Variants in RASA3 observed in about 807,000 individuals in gnomAD.
RASA3 encodes ras GTPase-activating protein 3.
In RASA3, 73 loss-of-function variants were observed where a neutral mutation model predicts 110.0. That is an observed-to-expected ratio of 0.66 (90% CI 0.55 to 0.81). The LOEUF (loss-of-function observed/expected upper bound fraction) is 0.81, where lower values mean the gene tolerates loss of function less well. Among genes scored for constraint, RASA3 ranks in the 30% least tolerant of loss-of-function variants. RASA3 has a pLI of 0.00. For missense variants in RASA3, 976 were observed against 1,113.2 expected (o/e 0.88, Z 1.75); for synonymous variants, 500 against 451.4 (o/e 1.11, Z -1.37).
chr13:114,041,342 G>A (rs1019621190), intron 3 of RASA3, among the ~76,000 whole-genome samples: 5 of 152,248 alleles, frequency 3.3e-5, no homozygotes, highest in South Asian at 2.1e-4. Context: ...GGAATGAGCC[G>A]GGCATGGTGG....
chr13:114,049,771 G>C (rs2079112411), intron 3 of RASA3, among the ~76,000 whole-genome samples: 1 of 152,254 alleles, frequency 6.6e-6, no homozygotes, highest in South Asian at 2.1e-4. Flanking sequence ...GAGGCCCCTG[G>C]CAGGGGCTGA....
chr13:114,124,437 C>T (rs968472078), intron 1 of RASA3, among the ~76,000 whole-genome samples: 1 of 152,250 alleles, frequency 6.6e-6, no homozygotes, highest in Non-Finnish European at 1.5e-5. Flanking sequence ...AACTCACTTC[C>T]GGGGATCCAG....
chr13:113,993,724 C>T (rs2053169961), intron 21 of RASA3, among the ~76,000 whole-genome samples: 1 of 144,228 alleles, frequency 6.9e-6, no homozygotes, highest in Non-Finnish European at 1.5e-5. Flanking sequence ...AGGAGAATCG[C>T]TTGAACCTGG....
chr13:114,017,309 C>T lies in RASA3; in HGVS notation c.1134G>A (p.Lys378=). ...CCAGCTTCATGGTCTCGTCGATGCA[C>T]TTGGACGCCAGTGAGTTTCCTCGGA... ...TIFRGNSLAS[K]CIDETMKLAG... Residue 378 remains lysine (K), a synonymous_variant, in exon 12 of 24, where the codon AAG becomes AAA. Transcript: ENST00000334062. 1 of 1,614,038 alleles carries T rather than the reference C, an allele frequency of 6.2e-7. No individual in the cohort carries two copies. Among genetic ancestry groups the T allele is most frequent in the Non-Finnish European group, 8.5e-7 (1 of 1,180,042 alleles).
At chr13:113,981,926 C>T (rs1246479706) in intron 22 of RASA3, 68 bp from the exon 23 acceptor site, 25 of 1,478,738 alleles carry the variant, frequency 1.7e-5, no homozygotes, top group African/African-American at 1.7e-4. Context: ...CACACAGCTG[C>T]GTCGCTGCAG....
intron 2 of RASA3, among the ~76,000 whole-genome samples, chr13:114,064,002 T>C (rs765467671): frequency 6.6e-6 from 1 of 152,220 alleles, no homozygotes; most frequent in Non-Finnish European, 1.5e-5. Flanking sequence ...CATCTTTTCA[T>C]GCTCAGGATT....
chr13:114,020,294 T>C (rs113405376), intron 9 of RASA3, among the ~76,000 whole-genome samples: 2 of 151,404 alleles, frequency 1.3e-5, no homozygotes, highest in Middle Eastern at 3.2e-3. Flanking sequence ...AGCCTGTGTC[T>C]GAGGCATTAG....
At position 114,114,202 on chromosome 13, in the gene RASA3, G is replaced by T. The variant is rs2080251225; in HGVS notation, c.55+18233C>A. Among the ~76,000 whole-genome samples the T allele has an allele frequency of 6.6e-6, 1 of 152,260 alleles. No individual in the cohort carries two copies. Among genetic ancestry groups the T allele is most frequent in the African/African-American group, 2.4e-5 (1 of 41,474 alleles). On this transcript the variant is annotated intron_variant, in intron 1 of 23. Coordinates refer to ENST00000334062, the MANE Select transcript of RASA3 (RefSeq NM_007368.4). The surrounding 1 kb of genome is among the most constrained non-coding windows in gnomAD (Gnocchi z 4.8). ...GCGTCTGCGATGTCCGTGCAGGGGA[G>T]AGAGACCTGGCCTATCCTCAGCACA... is the stretch of plus-strand genomic sequence containing the variant.
At chr13:114,078,127 C>G (rs2079723676) in intron 1 of RASA3, 2 of 507,376 alleles carry the variant, frequency 3.9e-6, no homozygotes, top group African/African-American at 4.2e-5. Context: ...CACGGCCTGG[C>G]CACGTCGCCC....
intron 2 of RASA3, among the ~76,000 whole-genome samples, chr13:114,055,483 A>G (rs1203423187): frequency 2.6e-5 from 4 of 152,228 alleles, no homozygotes; most frequent in South Asian, 4.1e-4. Flanking sequence ...AAAAACCACT[A>G]TCAACCTCGA....
chr13:114,051,945 G>A (rs1341208805), intron 3 of RASA3, 107 bp downstream of exon 3: 2 of 835,160 alleles, frequency 2.4e-6, no homozygotes, highest in African/African-American at 1.7e-5. Flanking sequence ...CTCAAGCCCT[G>A]CAGCGACCCC....
At chr13:114,016,723 G>T (rs1243916878) in intron 12 of RASA3, among the ~76,000 whole-genome samples, 1 of 152,242 alleles carries the variant, frequency 6.6e-6, no homozygotes, top group African/African-American at 2.4e-5. Flanking sequence ...ATGCTGCCAT[G>T]ATTTTGCCCA....
At chr13:114,097,587 TTC>T (rs2079962841) in intron 1 of RASA3, among the ~76,000 whole-genome samples, 1 of 152,246 alleles carries the variant, frequency 6.6e-6, no homozygotes, top group African/African-American at 2.4e-5. Flanking sequence ...TCTGAGTTCC[TTC>T]TCCCAGAAGA....
rs371949264 is a variant in RASA3, at chr13:114,015,346, C to T, written c.1282-14G>A. On this transcript the variant is annotated splice_polypyrimidine_tract_variant and intron_variant, in intron 13 of 23. Coordinates refer to ENST00000334062, the MANE Select transcript of RASA3 (RefSeq NM_007368.4). Reference sequence around the variant, plus strand: ...CCGTAGGTTCTCCTGCAACGGGACACGGCACTGGGACCCACTCCCGAGGCT... The same window carrying T: ...CCGTAGGTTCTCCTGCAACGGGACATGGCACTGGGACCCACTCCCGAGGCT... 3.0e-5 allele frequency: 49 copies of T among 1,611,932 alleles called. No individual in the cohort carries two copies. The highest frequency in any genetic ancestry group is 5.3e-5 in the African/African-American group (4 of 74,942).
At chr13:113,994,376 G>A (rs1279735647) in intron 21 of RASA3, among the ~76,000 whole-genome samples, 1 of 152,160 alleles carries the variant, frequency 6.6e-6, no homozygotes, top group East Asian at 1.9e-4. Context: ...ATAGTTCTGT[G>A]TGAGAAATAA....
rs145047859 is a variant in RASA3, at chr13:114,038,692, T to C, written c.372+2308A>G. Among the ~76,000 whole-genome samples, 913 of 151,898 alleles carry C rather than the reference T, an allele frequency of 6.0e-3. 2 individuals are homozygous for C. The highest frequency in any genetic ancestry group is 0.018 in the African/African-American group (727 of 41,414). On this transcript the variant is annotated intron_variant, in intron 4 of 23. Coordinates refer to ENST00000334062, the MANE Select transcript of RASA3 (RefSeq NM_007368.4). ...CCCAGTGAAGCGCAGAGGATGAGGG[T>C]TGCCAGGGCAAGACGGTTCCCAGAG...
chr13:114,010,794 G>A (rs57061365), intron 16 of RASA3, among the ~76,000 whole-genome samples: 512 of 30,496 alleles, frequency 0.017, 29 homozygotes, highest in Middle Eastern at 0.12. Context: ...TGGGGAGGAG[G>A]GGGCCGCGAG....
chr13:114,062,048 G>A (rs1017318045), intron 2 of RASA3, among the ~76,000 whole-genome samples: 7 of 152,196 alleles, frequency 4.6e-5, no homozygotes, highest in Non-Finnish European at 7.3e-5. Flanking sequence ...CCATGTCCAC[G>A]TCTGGGGTCT....
At position 114,114,395 on chromosome 13, in the gene RASA3, G is replaced by A. The variant is rs1321829114; in HGVS notation, c.55+18040C>T. Among the ~76,000 whole-genome samples the A allele has an allele frequency of 1.3e-5, 2 of 152,188 alleles. No individual in the cohort carries two copies. The highest frequency in any genetic ancestry group is 2.9e-5 in the Non-Finnish European group (2 of 68,034). On this transcript the variant is annotated intron_variant, in intron 1 of 23. Transcript: ENST00000334062. This position sits in a 1 kb window ranked among gnomAD's most constrained non-coding sequence, Gnocchi z 4.8. ...TCTCTGGGATATCTTGACCTGGCAC[G>A]CAGAGGGGTGAAGGAACGGGGACAC...
Sources: gnomAD v4.1 joint callset for allele counts (sites outside exome capture counted in the v4.1 genomes callset) on GRCh38, gnomAD v4.1.1 for gene constraint, Gnocchi (gnomAD v3.1) non-coding constraint, MANE v1.5 for transcripts, NCBI Gene and HGNC (gene_info 2026-07-23, HGNC 2026-07-21) for gene names.